The following HCN1 variants were observed in gnomAD, a reference collection of about 807,000 sequenced individuals.
HCN1 encodes potassium/sodium hyperpolarization-activated cyclic nucleotide-gated channel 1.
In HCN1, 13 loss-of-function variants were observed where a neutral mutation model predicts 78.9. That is an observed-to-expected ratio of 0.16 (90% confidence interval 0.11 to 0.26). The LOEUF is 0.26. Among genes scored for constraint, HCN1 ranks in the 10% least tolerant of loss-of-function variants. The pLI is 1.00. For synonymous variants in HCN1, 552 were observed against 455.5 expected, an observed-to-expected ratio of 1.21 and a Z score of -2.70; for missense variants, 810 against 1,154.3, an observed-to-expected ratio of 0.70 and a Z score of 4.32.
chr5:45,327,406 C>T (rs994430633), intron 5 of HCN1, among the ~76,000 whole-genome samples: 1 of 151,604 alleles, frequency 6.6e-6, no homozygotes, highest in African/African-American at 2.4e-5. Context: ...ATAGAATCCA[C>T]ATAAATTAAT....
At chr5:45,449,003 A>G (rs916750399) in intron 3 of HCN1, among the ~76,000 whole-genome samples, 3 of 152,012 alleles carry the variant, frequency 2.0e-5, no homozygotes, top group African/African-American at 7.2e-5. Flanking sequence ...AGTCCCAGTT[A>G]CTCGGGAGGC....
intron 6 of HCN1, among the ~76,000 whole-genome samples, chr5:45,301,721 T>TA (rs1745624927): frequency 7.5e-6 from 1 of 133,422 alleles, no homozygotes; most frequent in Non-Finnish European, 1.6e-5. Flanking sequence ...ACCCTGTCAT[T>TA]TAAAAAAAAA....
intron 1 of HCN1, among the ~76,000 whole-genome samples, chr5:45,664,589 A>T (rs1471097536): frequency 1.1e-4 from 16 of 151,926 alleles, no homozygotes; most frequent in Admixed American, 1.0e-3. Context: ...AATGAACTCA[A>T]ACAAATTTAT....
At chr5:45,404,582 C>T (rs1739883069) in intron 3 of HCN1, among the ~76,000 whole-genome samples, 1 of 146,268 alleles carries the variant, frequency 6.8e-6, no homozygotes. Context: ...TGAGAACTTT[C>T]TCTTAGTAAT....
intron 2 of HCN1, among the ~76,000 whole-genome samples, chr5:45,530,447 TTA>T (rs1230461722): frequency 6.6e-6 from 1 of 150,460 alleles, no homozygotes; most frequent in African/African-American, 2.4e-5. Flanking sequence ...GTTTTTTTTT[TTA>T]AAATAAAGGG....
At chr5:45,654,817 G>A (rs1415200857) in intron 1 of HCN1, among the ~76,000 whole-genome samples, 2 of 152,042 alleles carry the variant, frequency 1.3e-5, no homozygotes, top group Non-Finnish European at 2.9e-5. Flanking sequence ...CTAATTACAT[G>A]GCTAAGTTAA....
rs534237359 is a variant in HCN1 at position 45,413,203 on chromosome 5, T to G, written c.1012-16493A>C. 5.3e-5 allele frequency among the ~76,000 whole-genome samples: 8 copies of G among 152,134 alleles called. No individual in the cohort carries two copies. In the South Asian group the frequency reaches 1.4e-3, roughly 28 times the overall value. ...TAGGAAATAGCTAACTCACAAGAGG[T>G]TAAATCCCAGAACATTTATTATTCA... On this transcript the variant is annotated intron_variant, in intron 3 of 7. Transcript: ENST00000303230.
chr5:45,447,482 A>G (rs972521575), intron 3 of HCN1, among the ~76,000 whole-genome samples: 1 of 152,154 alleles, frequency 6.6e-6, no homozygotes, highest in African/African-American at 2.4e-5. Context: ...AGCTCAAGTG[A>G]TCCTCCTGTC....
At chr5:45,489,022 C>T (rs1027882941) in intron 2 of HCN1, among the ~76,000 whole-genome samples, 1 of 152,148 alleles carries the variant, frequency 6.6e-6, no homozygotes, top group Non-Finnish European at 1.5e-5. Flanking sequence ...GAAAGTCTGG[C>T]ATGTACTCAA....
chr5:45,589,692 C>A (rs1744321118), intron 2 of HCN1, among the ~76,000 whole-genome samples: 1 of 152,078 alleles, frequency 6.6e-6, no homozygotes. Flanking sequence ...ATGTGAATGG[C>A]AATACATGTT....
chr5:45,526,534 C>T (rs557818558), intron 2 of HCN1, among the ~76,000 whole-genome samples: 1 of 152,104 alleles, frequency 6.6e-6, no homozygotes, highest in Non-Finnish European at 1.5e-5. Context: ...AAACTAGTTT[C>T]CTGTCCCTTC....
intron 2 of HCN1, among the ~76,000 whole-genome samples, chr5:45,508,102 T>C (rs1345421921): frequency 2.0e-5 from 3 of 152,120 alleles, no homozygotes; most frequent in Admixed American, 6.6e-5. Flanking sequence ...AATCAATGAA[T>C]TCTAATCTTA....
At chr5:45,412,737 T>G (rs1740046953) in intron 3 of HCN1, among the ~76,000 whole-genome samples, 1 of 140,926 alleles carries the variant, frequency 7.1e-6, no homozygotes, top group Non-Finnish European at 1.5e-5. Flanking sequence ...CCCAGTAGGG[T>G]TCAGGTTGAT....
intron 2 of HCN1, among the ~76,000 whole-genome samples, chr5:45,537,980 ATTGAT>A (rs1339642592): frequency 1.3e-5 from 2 of 151,814 alleles, no homozygotes; most frequent in African/African-American, 4.8e-5. Context: ...AATTAGTATT[ATTGAT>A]TTAACAGTCC....
chr5:45,324,645 CTAAT>C (rs1746199600), intron 5 of HCN1, among the ~76,000 whole-genome samples: 1 of 151,628 alleles, frequency 6.6e-6, no homozygotes, highest in Admixed American at 6.6e-5. Flanking sequence ...ATTCCACAGA[CTAAT>C]AAAACATGGC....
intron 2 of HCN1, among the ~76,000 whole-genome samples, chr5:45,595,933 A>G (rs1744485018): frequency 6.6e-6 from 1 of 151,604 alleles, no homozygotes; most frequent in South Asian, 2.1e-4. Context: ...TCTGTCACCC[A>G]GGCTGGAGTG....
At chr5:45,374,116 A>T (rs529831578) in intron 4 of HCN1, among the ~76,000 whole-genome samples, 64 of 101,024 alleles carry the variant, frequency 6.3e-4, no homozygotes, top group African/African-American at 2.2e-3. Context: ...TTATATACAT[A>T]ATATATATAA....
At position 45,695,942 on chromosome 5, in the gene HCN1, T is replaced by C; in HGVS notation, c.152A>G (p.Lys51Arg). 1 of 1,378,410 alleles carries C rather than the reference T, an allele frequency of 7.3e-7. No homozygotes were observed. 85.4% of individuals were successfully genotyped at this position (1,378,410 alleles called of 1,614,324 possible). The change falls in exon 1 of 8, where the codon AAG becomes AGG. Residue 51 changes from lysine to arginine, a missense_variant. Transcript: ENST00000303230. Reference protein sequence around the residue: ...TPPGGGGAGAKEHGNSVCFKV... With the variant: ...TPPGGGGAGAREHGNSVCFKV... Reference sequence around the variant, plus strand: ...GAAGCACACGGAGTTGCCGTGCTCCTTCGCGCCGGCCCCGCCGCCCCCCGG... The same window carrying C: ...GAAGCACACGGAGTTGCCGTGCTCCCTCGCGCCGGCCCCGCCGCCCCCCGG...
At chr5:45,297,213 T>G (rs1303507692) in intron 6 of HCN1, among the ~76,000 whole-genome samples, 1 of 152,132 alleles carries the variant, frequency 6.6e-6, no homozygotes, top group Admixed American at 6.6e-5. Context: ...GTTGGGCTAG[T>G]TAACTGCAGC....
Sources: allele counts gnomAD v4.1 joint callset (sites outside exome capture counted in the v4.1 genomes callset), GRCh38; gene constraint gnomAD v4.1.1; transcripts MANE v1.5; gene names NCBI Gene and HGNC (gene_info 2026-07-23, HGNC 2026-07-21).